Variants in PCIF1 observed in about 807,000 individuals in gnomAD.
PCIF1 encodes the protein phosphorylated CTD interacting factor 1, also known as mRNA (2'-O-methyladenosine-N(6)-)-methyltransferase.
Under a neutral mutation model 86.9 loss-of-function variants are expected in PCIF1, and 12 were observed. That is an observed-to-expected ratio of 0.14 (90% CI 0.09 to 0.22). The LOEUF (loss-of-function observed/expected upper bound fraction) is 0.22, where lower values mean the gene tolerates loss of function less well. Ranked by LOEUF, PCIF1 falls within the 10% of genes least tolerant of loss-of-function variation. PCIF1 has a pLI of 1.00. For synonymous variants in PCIF1, 397 were observed against 372.0 expected (o/e 1.07, Z -0.77); for missense variants, 701 against 951.1 (o/e 0.74, Z 3.46).
At chr20:45,945,606 A>C (rs1353950932) in intron 11 of PCIF1, 105 bp from the exon 12 acceptor site, 1 of 1,363,762 alleles carries the variant, frequency 7.3e-7, no homozygotes, top group Non-Finnish European at 1.0e-6. Flanking sequence ...GAGTATACTG[A>C]TCTGTGGAAT....
rs11474914 is a variant in PCIF1 at position 45,935,739 on chromosome 20, GT to G, written c.-188+939del. 9.9e-3 allele frequency among the ~76,000 whole-genome samples: 1,499 copies of G among 152,088 alleles called. 31 individuals carry two copies. Among genetic ancestry groups the G allele is most frequent in the African/African-American group, 0.035 (1,435 of 41,464 alleles). On this transcript the variant is annotated intron_variant, in intron 1 of 16. Transcript: ENST00000372409. ...TGTCTCCCAGTCACTCTTACGGTGC[GT>G]TTTAAAAATACAAATTCTTGTGTGC...
intron 1 of PCIF1, among the ~76,000 whole-genome samples, chr20:45,935,273 C>A (rs537429748): frequency 1.3e-5 from 2 of 152,092 alleles, no homozygotes; most frequent in Admixed American, 1.3e-4. Context: ...CCCTTTGACT[C>A]CTCCCTACTG....
In PCIF1 at chr20:45,934,734, G is replaced by A. The variant is rs996990720; in HGVS notation, c.-258G>A. On this transcript the variant is annotated 5_prime_UTR_variant, in exon 1 of 17. Transcript: ENST00000372409. Reference sequence around the variant, plus strand: ...TGGCGGCAGCGGCGCTGGGGAGGGCGAGGCGGAGGCGGCAAAACGGGCGGT... The same window carrying A: ...TGGCGGCAGCGGCGCTGGGGAGGGCAAGGCGGAGGCGGCAAAACGGGCGGT... 13 of 398,794 alleles carry A rather than the reference G, an allele frequency of 3.3e-5. No homozygotes were observed. The highest frequency in any genetic ancestry group is 4.4e-5 in the Non-Finnish European group (10 of 226,094). The allele number at this position is 398,794 out of a possible 1,614,324, so 24.7% of individuals were successfully genotyped here.
chr20:45,940,341 T>A, intron 4 of PCIF1, 134 bp from the exon 5 acceptor site: 2 of 1,167,672 alleles, frequency 1.7e-6, no homozygotes, highest in Non-Finnish European at 2.3e-6. Context: ...AGCCCAGTGT[T>A]CTCTGCCTGT....
In PCIF1 at chr20:45,934,824, A is replaced by C; in HGVS notation, c.-188+20A>C. On this transcript the variant is annotated intron_variant, in intron 1 of 16. Coordinates refer to ENST00000372409, the MANE Select transcript of PCIF1 (RefSeq NM_022104.4). Reference sequence around the variant, plus strand: ...GGGCAGGTAAGAGTCCCAGGAAGCCATGGTCCCGCAGCGAGCCGCGCCAGG... The same window carrying C: ...GGGCAGGTAAGAGTCCCAGGAAGCCCTGGTCCCGCAGCGAGCCGCGCCAGG... 2.5e-6 allele frequency: 1 copy of C among 398,042 alleles called. No individual in the cohort carries two copies. Among genetic ancestry groups the C allele is most frequent in the East Asian group, 3.6e-5 (1 of 28,000 alleles). The allele number at this position is 398,042 out of a possible 1,614,324, so 24.7% of individuals were successfully genotyped here.
chr20:45,943,875 TC>T lies in PCIF1; in HGVS notation c.1005+111del. 1.2e-6 allele frequency: 1 copy of T among 805,928 alleles called. No homozygotes were observed. The highest frequency in any genetic ancestry group is 2.0e-6 in the Non-Finnish European group (1 of 497,716). The allele number at this position is 805,928 out of a possible 1,614,324, so 49.9% of individuals were successfully genotyped here. A position where few individuals can be genotyped will look rare whatever the true frequency, so the allele number is the denominator to read the frequency against. On this transcript the variant is annotated intron_variant, in intron 10 of 16. Coordinates refer to ENST00000372409, the MANE Select transcript of PCIF1 (RefSeq NM_022104.4). This position sits in a 1 kb window ranked among gnomAD's most constrained non-coding sequence, Gnocchi z 5.5. ...GGCAAGGCCTCCCCCAGCGGCCTATTCTTGTGCAGTATGGCAGACGTTCGAC... is the reference window on the plus strand; with the variant it reads ...GGCAAGGCCTCCCCCAGCGGCCTATTTTGTGCAGTATGGCAGACGTTCGAC...
rs1292281794 is a variant in PCIF1 at position 45,943,085 on chromosome 20, C to T, written c.674-12C>T. The T allele has an allele frequency of 3.1e-6, 5 of 1,612,888 alleles. No homozygotes were observed. The highest frequency in any genetic ancestry group is 4.2e-6 in the Non-Finnish European group (5 of 1,179,542). ...TTAAATCCAGGCCTTCAGCAGCTCT[C>T]CTGTCCTGCAGGCATTGAGCCTCCA... On this transcript the variant is annotated splice_polypyrimidine_tract_variant and intron_variant, in intron 7 of 16. Transcript: ENST00000372409. This position sits in a 1 kb window ranked among gnomAD's most constrained non-coding sequence, Gnocchi z 5.5.
At position 45,942,378 on chromosome 20, in the gene PCIF1, G is replaced by A. The variant is rs145490755; in HGVS notation, c.674-719G>A. 7.3e-3 allele frequency among the ~76,000 whole-genome samples: 1,089 copies of A among 149,044 alleles called. 3 individuals carry two copies. Among genetic ancestry groups the A allele is most frequent in the East Asian group, 0.035 (178 of 5,054 alleles). The stretch of plus-strand genomic sequence containing the variant: ...TGCCCTGGCTGGAGTGCAATGGCAC[G>A]GTCTCGGCTCACTGCAACCTCTGCC... On this transcript the variant is annotated intron_variant, in intron 7 of 16. Coordinates refer to ENST00000372409, the MANE Select transcript of PCIF1 (RefSeq NM_022104.4).
rs372936946 is a variant in PCIF1 at position 45,938,847 on chromosome 20, GC to G, written c.-19-133del. 6.0e-5 allele frequency: 70 copies of G among 1,166,274 alleles called. No individual in the cohort carries two copies. The African/African-American group carries it at 9.4e-4, about 16-fold the overall frequency. The allele number at this position is 1,166,274 out of a possible 1,614,324, so 72.2% of individuals were successfully genotyped here. A position where few individuals can be genotyped will look rare whatever the true frequency, so the allele number is the denominator to read the frequency against. On this transcript the variant is annotated intron_variant, in intron 2 of 16. Transcript: ENST00000372409. ...GCTTAGATCCCAGGGCTGCTGTGTG[GC>G]ACCATGCTGGCCCTCCAGGATAGGA...
chr20:45,947,088 T>C lies in PCIF1; in HGVS notation c.1629T>C (p.Phe543=), dbSNP rs1209057067. The C allele has an allele frequency of 3.1e-6, 5 of 1,612,026 alleles. No homozygotes were observed. Among genetic ancestry groups the C allele is most frequent in the East Asian group, 2.2e-5 (1 of 44,796 alleles). The change falls in exon 15 of 17, where the codon TTT becomes TTC. Residue 543 remains phenylalanine (F), a synonymous_variant. Coordinates refer to ENST00000372409, the MANE Select transcript of PCIF1 (RefSeq NM_022104.4). The surrounding 1 kb of genome is among the most constrained non-coding windows in gnomAD (Gnocchi z 5.4). The part of the protein sequence containing the change: ...YFGSRGPCLD[F]APLSGSFEAN... ...CTGTCCCCAGGCCCTGCCTAGACTT[T>C]GCTCCACTGAGTGGTTCATTTGAGG...
In PCIF1 at chr20:45,948,006, C is replaced by T. The variant is rs1273933617; in HGVS notation, c.*251C>T. 4.7e-6 allele frequency: 7 copies of T among 1,484,428 alleles called. No individual in the cohort carries two copies. The highest frequency in any genetic ancestry group is 2.8e-5 in the African/African-American group (2 of 71,802). 92.0% of individuals were successfully genotyped at this position (1,484,428 alleles called of 1,614,324 possible). A position where few individuals can be genotyped will look rare whatever the true frequency, so the allele number is the denominator to read the frequency against. On this transcript the variant is annotated 3_prime_UTR_variant, in exon 17 of 17. Coordinates refer to ENST00000372409, the MANE Select transcript of PCIF1 (RefSeq NM_022104.4). ...CTTGTTTCATTTGTAAAAGGAAATACAGAAACCCCCCCAAGAATGTGTGAG... is the reference window on the plus strand; with the variant it reads ...CTTGTTTCATTTGTAAAAGGAAATATAGAAACCCCCCCAAGAATGTGTGAG...
In PCIF1 at chr20:45,943,661, G is replaced by A; in HGVS notation, c.906-5G>A. 1.9e-6 allele frequency: 3 copies of A among 1,557,316 alleles called. No homozygotes were observed. The highest frequency in any genetic ancestry group is 2.6e-6 in the Non-Finnish European group (3 of 1,149,840). On this transcript the variant is annotated splice_polypyrimidine_tract_variant and splice_region_variant and intron_variant, in intron 9 of 16. Transcript: ENST00000372409. This position sits in a 1 kb window ranked among gnomAD's most constrained non-coding sequence, Gnocchi z 5.5. ...CCTTTCTTCTGCCCTCCCCTTGACT[G>A]GCAGGAGTGCATCCCCTGACAGTAG...
rs879023909 is a variant in PCIF1 at position 45,947,839 on chromosome 20, G to C, written c.*84G>C. On this transcript the variant is annotated 3_prime_UTR_variant, in exon 17 of 17. Transcript: ENST00000372409. The surrounding 1 kb of genome is among the most constrained non-coding windows in gnomAD (Gnocchi z 5.4). ...CCCCTGGGGCCTCAGAGGGACCCCGGCTGCCACTGACATATGAAGATTATG... is the reference window on the plus strand; with the variant it reads ...CCCCTGGGGCCTCAGAGGGACCCCGCCTGCCACTGACATATGAAGATTATG... 170 of 1,528,388 alleles carry C rather than the reference G, an allele frequency of 1.1e-4. No individual in the cohort carries two copies. The highest frequency in any genetic ancestry group is 2.9e-4 in the Admixed American group (13 of 44,376). The allele number at this position is 1,528,388 out of a possible 1,614,324, so 94.7% of individuals were successfully genotyped here.
chr20:45,944,786 C>T (rs2083505686), intron 10 of PCIF1, 82 bp from the exon 11 acceptor site: 1 of 1,473,920 alleles, frequency 6.8e-7, no homozygotes, highest in Non-Finnish European at 9.1e-7. Context: ...CTGCTGGACT[C>T]CAACAGCCCT....
Position 45,940,935 on chromosome 20 carries a change from A to C in PCIF1, c.514A>C (p.Thr172Pro). ...DKQQAALLRPTEVYWDLDIQT... is the reference protein window; with the variant it reads ...DKQQAALLRPPEVYWDLDIQT... Reference sequence around the variant, plus strand: ...ACAGCAGGCAGCTCTCCTACGACCCACTGAGTGAGTCCCTGCTGATTGGCT... The same window carrying C: ...ACAGCAGGCAGCTCTCCTACGACCCCCTGAGTGAGTCCCTGCTGATTGGCT... The change falls in exon 6 of 17, where the codon ACT (threonine) becomes CCT (proline). Residue 172 changes from threonine to proline, a missense_variant. Around this residue, in one of 7 missense-constraint regions of PCIF1, gnomAD observed 125 missense variants for 126.8 expected, o/e 0.99. Transcript: ENST00000372409. 1 of 1,614,066 alleles carries C rather than the reference A, an allele frequency of 6.2e-7. No homozygotes were observed. Among genetic ancestry groups the C allele is most frequent in the African/African-American group, 1.3e-5 (1 of 75,030 alleles).
chr20:45,947,706 G>A lies in PCIF1; in HGVS notation c.2066G>A (p.Arg689Gln), dbSNP rs750766782. 23 of 1,607,678 alleles carry A rather than the reference G, an allele frequency of 1.4e-5. No individual in the cohort carries two copies. Among genetic ancestry groups the A allele is most frequent in the Admixed American group, 5.0e-5 (3 of 59,830 alleles). The change falls in exon 17 of 17, where the codon CGG (arginine) becomes CAG (glutamine). Residue 689 changes from arginine (R) to glutamine (Q), a missense_variant. By Grantham distance (43) the Arg-to-Gln change is conservative. This residue lies in a region of PCIF1 where 174 missense variants were observed against 206.9 expected (regional missense o/e 0.84). Transcript: ENST00000372409. This position sits in a 1 kb window ranked among gnomAD's most constrained non-coding sequence, Gnocchi z 5.4. ...SSSSSSEAKDRDSGREQGPSR... is the reference protein window; with the variant it reads ...SSSSSSEAKDQDSGREQGPSR... Reference sequence around the variant, plus strand: ...TCGTCCTCCTCGGAGGCCAAGGACCGGGACTCGGGCCGTGAGCAGGGTCCT... The same window carrying A: ...TCGTCCTCCTCGGAGGCCAAGGACCAGGACTCGGGCCGTGAGCAGGGTCCT...
At position 45,940,659 on chromosome 20, in the gene PCIF1, C is replaced by A. The variant is rs369533158; in HGVS notation, c.387+47C>A. On this transcript the variant is annotated intron_variant, in intron 5 of 16. Transcript: ENST00000372409. The stretch of plus-strand genomic sequence containing the variant: ...CCGGCTGCCGAGCGGCCGGCTCAGA[C>A]GGGCCGCCTGCAGGCTCCCTGCAGG... 6 of 1,579,222 alleles carry A rather than the reference C, an allele frequency of 3.8e-6. No homozygotes were observed. The African/African-American group carries it at 6.9e-5, about 18-fold the overall frequency.
intron 5 of PCIF1, 79 bp downstream of exon 5, chr20:45,940,691 G>C: frequency 6.4e-7 from 1 of 1,572,716 alleles, no homozygotes; most frequent in South Asian, 1.2e-5. Context: ...CAGGGGCTGG[G>C]CATTGGCAGG....
Position 45,941,039 on chromosome 20 carries a change from C to G in PCIF1, c.519-14C>G. ...TGGGCAGGACATCCTCATCACTCCT[C>G]TCTGTGCCCCAAGGGTCTACTGGGA... On this transcript the variant is annotated splice_polypyrimidine_tract_variant and intron_variant, in intron 6 of 16. Transcript: ENST00000372409. 6.2e-7 allele frequency: 1 copy of G among 1,614,218 alleles called. No homozygotes were observed. Among genetic ancestry groups the G allele is most frequent in the Middle Eastern group, 1.6e-4 (1 of 6,062 alleles).
Sources: allele counts gnomAD v4.1 joint callset (sites outside exome capture counted in the v4.1 genomes callset), GRCh38; gene constraint gnomAD v4.1.1; regional missense constraint gnomAD v4.1.1; non-coding constraint Gnocchi (gnomAD v3.1); transcripts MANE v1.5; gene names NCBI Gene and HGNC (gene_info 2026-07-23, HGNC 2026-07-21).